Variants in GIPC2 observed in about 807,000 individuals in gnomAD.
GIPC2 encodes the protein PDZ domain-containing protein GIPC2.
In GIPC2, 30 loss-of-function variants were observed where a neutral mutation model predicts 30.6. The ratio of observed to expected loss-of-function variants is 0.98; its 90% CI spans 0.73 to 1.33. The LOEUF is 1.33. GIPC2 is among the 40% of genes most tolerant of loss of function. The pLI, the probability that GIPC2 is intolerant of heterozygous loss-of-function variation, is 0.00. For synonymous variants in GIPC2, 167 were observed against 150.0 expected, an observed-to-expected ratio of 1.11 and a Z score of -0.83; for missense variants, 414 against 390.3, an observed-to-expected ratio of 1.06 and a Z score of -0.51.
intron 3 of GIPC2, among the ~76,000 whole-genome samples, chr1:78,109,154 C>T (rs1662416220): frequency 1.3e-5 from 2 of 152,170 alleles, no homozygotes; most frequent in South Asian, 4.1e-4. Context: ...CTTATTCATG[C>T]AGAGCAGAAA....
chr1:78,045,804 C>T (rs1571465327), upstream of GIPC2: 1 of 1,184,894 alleles, frequency 8.4e-7, no homozygotes, highest in South Asian at 3.3e-5. Context: ...CAGGCGTTCA[C>T]GTAAATAGAG....
intron 3 of GIPC2, among the ~76,000 whole-genome samples, chr1:78,117,124 C>T (rs1338219786): frequency 6.6e-6 from 1 of 152,152 alleles, no homozygotes; most frequent in Non-Finnish European, 1.5e-5. Context: ...TATGCAGAAT[C>T]TACAAATAAA....
intron 1 of GIPC2, among the ~76,000 whole-genome samples, chr1:78,061,226 C>A (rs931046702): frequency 6.6e-6 from 1 of 152,218 alleles, no homozygotes; most frequent in African/African-American, 2.4e-5. Context: ...TTCCTTGACA[C>A]TGCTTATTCA....
At chr1:78,054,304 C>G (rs989329672) in intron 1 of GIPC2, among the ~76,000 whole-genome samples, 2 of 152,134 alleles carry the variant, frequency 1.3e-5, no homozygotes, top group Non-Finnish European at 2.9e-5. Flanking sequence ...CTTTTTAAAT[C>G]TTGTTCTTAG....
chr1:78,091,956 T>G (rs905133098), intron 2 of GIPC2: 15 of 1,097,920 alleles, frequency 1.4e-5, no homozygotes, highest in Admixed American at 1.2e-4. Flanking sequence ...CATTTTTGCT[T>G]CTTCTTCGTT....
intron 3 of GIPC2, among the ~76,000 whole-genome samples, chr1:78,103,819 T>A (rs1475840783): frequency 1.3e-5 from 2 of 152,138 alleles, no homozygotes; most frequent in African/African-American, 4.8e-5. Flanking sequence ...AGAAACTCCC[T>A]CAACAAAGAA....
chr1:78,055,445 G>A (rs1337836041), intron 1 of GIPC2, among the ~76,000 whole-genome samples: 3 of 152,154 alleles, frequency 2.0e-5, no homozygotes, highest in Admixed American at 1.3e-4. Context: ...CAGTTGGAAC[G>A]TTGCTCATTC....
intron 1 of GIPC2, among the ~76,000 whole-genome samples, chr1:78,074,628 G>A (rs1248162795): frequency 6.6e-6 from 1 of 152,132 alleles, no homozygotes; most frequent in Non-Finnish European, 1.5e-5. Flanking sequence ...TGAGACTGAA[G>A]GGTACATAAT....
At chr1:78,048,969 G>A (rs893957553) in intron 1 of GIPC2, among the ~76,000 whole-genome samples, 1 of 152,134 alleles carries the variant, frequency 6.6e-6, no homozygotes, top group Non-Finnish European at 1.5e-5. Flanking sequence ...TTTCCATCTG[G>A]ATTAGAAAAA....
chr1:78,074,189 T>C (rs1008507262), intron 1 of GIPC2, among the ~76,000 whole-genome samples: 2 of 152,194 alleles, frequency 1.3e-5, no homozygotes, highest in East Asian at 1.9e-4. Flanking sequence ...TGTATTCCAG[T>C]AATAATAATA....
intron 3 of GIPC2, among the ~76,000 whole-genome samples, chr1:78,115,652 T>A (rs901274766): frequency 2.0e-5 from 3 of 152,220 alleles, no homozygotes; most frequent in African/African-American, 7.2e-5. Flanking sequence ...ATACTATAAC[T>A]GGCAAGGCCA....
chr1:78,130,104 CTTTTTTT>C (rs752502793), intron 5 of GIPC2, among the ~76,000 whole-genome samples: 1 of 117,174 alleles, frequency 8.5e-6, no homozygotes, highest in African/African-American at 3.0e-5. Flanking sequence ...CCTAGGATCA[CTTTTTTT>C]TTTTTTTTTT....
chr1:78,101,349 C>T (rs1557543050), intron 3 of GIPC2, among the ~76,000 whole-genome samples: 1 of 152,116 alleles, frequency 6.6e-6, no homozygotes, highest in Non-Finnish European at 1.5e-5. Context: ...CTGTGCTGGT[C>T]AGAATTTAAA....
intron 4 of GIPC2, among the ~76,000 whole-genome samples, chr1:78,123,320 G>T (rs1164609131): frequency 6.6e-6 from 1 of 151,242 alleles, no homozygotes; most frequent in Non-Finnish European, 1.5e-5. Context: ...TAGTGAGTGA[G>T]TTCAAAATGG....
Position 78,092,475 on chromosome 1 carries a change from A to G in GIPC2, c.427-2477A>G, listed in dbSNP as rs577510390. Among the ~76,000 whole-genome samples, 6 of 152,330 alleles carry G rather than the reference A, an allele frequency of 3.9e-5. No homozygotes were observed. In the East Asian group the frequency reaches 1.2e-3, roughly 29 times the overall value. On this transcript the variant is annotated intron_variant, in intron 2 of 5. Coordinates refer to ENST00000370759, the MANE Select transcript of GIPC2 (RefSeq NM_017655.6). Reference sequence around the variant, plus strand: ...ATAGTATAAGTAACTCAGTAAATAAAGTATAGCATTAATGCCTCTCTTTTT... The same window carrying G: ...ATAGTATAAGTAACTCAGTAAATAAGGTATAGCATTAATGCCTCTCTTTTT...
intron 1 of GIPC2, among the ~76,000 whole-genome samples, chr1:78,049,225 G>C (rs1049082983): frequency 2.6e-5 from 4 of 152,126 alleles, no homozygotes; most frequent in African/African-American, 9.7e-5. Flanking sequence ...GCAGTGGCAC[G>C]ATCTTGGCTG....
chr1:78,091,715 G>T, intron 2 of GIPC2: 1 of 774,484 alleles, frequency 1.3e-6, no homozygotes, highest in Non-Finnish European at 2.4e-6. Context: ...CACATATTTG[G>T]TAGCCTTTGC....
chr1:78,096,886 A>G (rs139480987), intron 3 of GIPC2, among the ~76,000 whole-genome samples: 5 of 152,314 alleles, frequency 3.3e-5, no homozygotes, highest in East Asian at 3.9e-4. Flanking sequence ...CAAGGTTTCT[A>G]TGGAAGTTTA....
chr1:78,130,121 T>TTTC (rs369892829), intron 5 of GIPC2, among the ~76,000 whole-genome samples: 28,274 of 146,644 alleles, frequency 0.19, 3,490 homozygotes, highest in East Asian at 0.73. Flanking sequence ...TTTTTTTTTT[T>TTTC]CAGACAGAGT....
Sources: allele counts gnomAD v4.1 joint callset (sites outside exome capture counted in the v4.1 genomes callset), GRCh38; gene constraint gnomAD v4.1.1; transcripts MANE v1.5; gene names NCBI Gene and HGNC (gene_info 2026-07-23, HGNC 2026-07-21).